EMCN: variants seen among roughly 807,000 people sequenced by gnomAD.
The protein encoded by EMCN is endomucin.
In EMCN, 37 loss-of-function variants were observed where a neutral mutation model predicts 38.4. The ratio of observed to expected loss-of-function variants is 0.96; its 90% CI spans 0.74 to 1.27. The LOEUF (loss-of-function observed/expected upper bound fraction) is 1.27. EMCN is among the 50% of genes most tolerant of loss of function. The pLI, the probability that EMCN is intolerant of heterozygous loss-of-function variation, is 0.00. For synonymous variants in EMCN, 95 were observed against 100.8 expected (o/e 0.94, Z 0.35); for missense variants, 318 against 302.8 (o/e 1.05, Z -0.37).
chr4:100,415,958 G>T lies in EMCN; in HGVS notation c.691C>A (p.Pro231Thr), dbSNP rs757193446. The T allele has an allele frequency of 1.8e-5, 29 of 1,575,466 alleles. No individual in the cohort carries two copies. Among genetic ancestry groups the T allele is most frequent in the Non-Finnish European group, 2.5e-5 (29 of 1,162,042 alleles). Residue 231 changes from proline (P) to threonine (T), a missense_variant and splice_region_variant, in exon 10 of 12, where the codon CCT (proline) becomes ACT (threonine). Transcript: ENST00000296420. ...TTCACGCTCTCTTTATCAGACTGAGGTCTATTTGAAAAAAAAAACATGAAA... is the reference window on the plus strand; with the variant it reads ...TTCACGCTCTCTTTATCAGACTGAGTTCTATTTGAAAAAAAAAACATGAAA... Reference protein sequence around the residue: ...PGTPENGNDQPQSDKESVKLL... With the variant: ...PGTPENGNDQTQSDKESVKLL...
intron 5 of EMCN, among the ~76,000 whole-genome samples, chr4:100,438,624 A>T (rs1257712902): frequency 6.6e-6 from 1 of 151,976 alleles, no homozygotes; most frequent in East Asian, 1.9e-4. Context: ...ACTATGTTGA[A>T]CAGAAGTGAC....
chr4:100,408,865 A>G (rs115271749), intron 11 of EMCN, among the ~76,000 whole-genome samples: 165 of 152,316 alleles, frequency 1.1e-3, no homozygotes, highest in African/African-American at 3.9e-3. Flanking sequence ...ACTGGTGAAG[A>G]GCAGGAGGGC....
intron 1 of EMCN, among the ~76,000 whole-genome samples, chr4:100,511,291 G>A (rs1729618304): frequency 6.6e-6 from 1 of 152,140 alleles, no homozygotes; most frequent in Non-Finnish European, 1.5e-5. Flanking sequence ...CTTGAAATTT[G>A]TGATGGAAGT....
At chr4:100,459,373 A>C (rs2110257144) in intron 4 of EMCN, among the ~76,000 whole-genome samples, 1 of 152,230 alleles carries the variant, frequency 6.6e-6, no homozygotes, top group South Asian at 2.1e-4. Context: ...TGATTAAATC[A>C]AGCTGATTAA....
At chr4:100,499,074 A>G (rs1317447711) in intron 1 of EMCN, among the ~76,000 whole-genome samples, 1 of 152,080 alleles carries the variant, frequency 6.6e-6, no homozygotes, top group Non-Finnish European at 1.5e-5. Flanking sequence ...TTTTTAAGTT[A>G]CAGAATAAAA....
intron 2 of EMCN, 87 bp downstream of exon 2, chr4:100,479,830 C>A: frequency 2.7e-6 from 3 of 1,097,134 alleles, no homozygotes; most frequent in Admixed American, 3.1e-5. Context: ...ATATAAGATC[C>A]CGAATTATTT....
At chr4:100,458,698 C>A (rs1486088949) in intron 4 of EMCN, among the ~76,000 whole-genome samples, 1 of 152,112 alleles carries the variant, frequency 6.6e-6, no homozygotes, top group Non-Finnish European at 1.5e-5. Context: ...AGCCTGTATT[C>A]CAACAACAAA....
At chr4:100,507,909 C>T (rs916313739) in intron 1 of EMCN, among the ~76,000 whole-genome samples, 4 of 152,104 alleles carry the variant, frequency 2.6e-5, no homozygotes, top group South Asian at 2.1e-4. Context: ...AAATAACTCT[C>T]ATGACAGAGA....
chr4:100,504,961 C>G (rs1322883068), intron 1 of EMCN, among the ~76,000 whole-genome samples: 1 of 152,204 alleles, frequency 6.6e-6, no homozygotes, highest in African/African-American at 2.4e-5. Context: ...ACACCTGGCT[C>G]TCCCTTTTAG....
At chr4:100,475,676 T>A in intron 2 of EMCN, among the ~76,000 whole-genome samples, 1 of 124,400 alleles carries the variant, frequency 8.0e-6, no homozygotes, top group Admixed American at 8.3e-5. Context: ...TTTTTTTTTT[T>A]TTTTTTTTTT....
intron 5 of EMCN, 27 bp from the exon 6 acceptor site, chr4:100,423,431 C>G: frequency 2.0e-6 from 3 of 1,514,514 alleles, no homozygotes; most frequent in Non-Finnish European, 2.8e-6. Context: ...AATGCAGAAT[C>G]AGGCTATGGT....
intron 5 of EMCN, among the ~76,000 whole-genome samples, chr4:100,428,712 G>A (rs951449880): frequency 5.3e-5 from 8 of 152,048 alleles, no homozygotes; most frequent in African/African-American, 9.7e-5. Context: ...TCTTAACATC[G>A]GGATTGGCAC....
At chr4:100,407,996 C>G (rs1338530743) in intron 11 of EMCN, among the ~76,000 whole-genome samples, 1 of 152,120 alleles carries the variant, frequency 6.6e-6, no homozygotes, top group Non-Finnish European at 1.5e-5. Flanking sequence ...AGATTCTTTA[C>G]TTGACTTGGT....
chr4:100,434,443 G>A (rs1395819494), intron 5 of EMCN, among the ~76,000 whole-genome samples: 1 of 149,672 alleles, frequency 6.7e-6, no homozygotes, highest in African/African-American at 2.5e-5. Context: ...TTCTACCAGA[G>A]GTACAAAGAA....
At chr4:100,458,313 G>T (rs146028440) in intron 4 of EMCN, among the ~76,000 whole-genome samples, 1 of 152,066 alleles carries the variant, frequency 6.6e-6, no homozygotes, top group East Asian at 1.9e-4. Flanking sequence ...TTTGATAACA[G>T]TATCTGGGGC....
intron 1 of EMCN, among the ~76,000 whole-genome samples, chr4:100,512,648 TA>T (rs549643206): frequency 6.6e-6 from 1 of 151,718 alleles, no homozygotes; most frequent in Admixed American, 6.6e-5. Context: ...CTACTAAAAA[TA>T]AAAAAATTTA....
At chr4:100,414,362 T>TC (rs1726653096) in intron 10 of EMCN, among the ~76,000 whole-genome samples, 1 of 140,594 alleles carries the variant, frequency 7.1e-6, no homozygotes, top group Non-Finnish European at 1.5e-5. Context: ...TTTTTTTTTT[T>TC]TTTTTTTTTT....
intron 4 of EMCN, 125 bp downstream of exon 4, chr4:100,465,298 G>T (rs1457837272): frequency 2.5e-5 from 14 of 567,916 alleles, no homozygotes; most frequent in Non-Finnish European, 4.4e-5. Context: ...TGTTCTATTG[G>T]GTAGAGATTA....
At chr4:100,437,561 C>A (rs529091362) in intron 5 of EMCN, among the ~76,000 whole-genome samples, 1 of 152,080 alleles carries the variant, frequency 6.6e-6, no homozygotes, top group South Asian at 2.1e-4. Flanking sequence ...GTCTTTCATC[C>A]ATTTTCAGTT....
Sources: allele counts gnomAD v4.1 joint callset (sites outside exome capture counted in the v4.1 genomes callset), GRCh38; gene constraint gnomAD v4.1.1; transcripts MANE v1.5; gene names NCBI Gene and HGNC (gene_info 2026-07-23, HGNC 2026-07-21).